Variants in ACSM3 observed in about 807,000 individuals in gnomAD.
ACSM3 encodes the protein acyl-CoA synthetase medium chain family member 3, also known as acyl-coenzyme A synthetase ACSM3, mitochondrial.
ACSM3 carries 61 observed loss-of-function variants against 74.1 expected under a neutral mutation model. The observed-to-expected ratio is 0.82, with a 90% CI of 0.67 to 1.02. The LOEUF (loss-of-function observed/expected upper bound fraction) is 1.02. Among genes scored for constraint, ACSM3 ranks in the 50% least tolerant of loss-of-function variants. The pLI, the probability that ACSM3 is intolerant of heterozygous loss-of-function variation, is 0.00. For synonymous variants in ACSM3, 213 were observed against 241.5 expected, an observed-to-expected ratio of 0.88 and a Z score of 1.09; for missense variants, 660 against 697.0, an observed-to-expected ratio of 0.95 and a Z score of 0.60.
At chr16:20,717,950 GGAAGAGGAA>G (rs1292941750) in intron 1 of ACSM3, among the ~76,000 whole-genome samples, 117 of 58,996 alleles carry the variant, frequency 2.0e-3, no homozygotes, top group African/African-American at 6.1e-3. Flanking sequence ...AAGAGGAAGA[GGAAGAGGAA>G]GAAGAAGAAG....
intron 1 of ACSM3, among the ~76,000 whole-genome samples, chr16:20,711,935 G>A (rs745872458): frequency 2.6e-5 from 4 of 151,990 alleles, no homozygotes; most frequent in African/African-American, 9.7e-5. Context: ...AACCAACCAC[G>A]TATCCCACCA....
At position 20,781,755 on chromosome 16, in the gene ACSM3, ATACCGAATGCTTGTACAG is replaced by A. The variant is rs773894016; in HGVS notation, c.988_1005del (p.Tyr330_Gln335del). 1 of 1,613,352 alleles carries A rather than the reference ATACCGAATGCTTGTACAG, an allele frequency of 6.2e-7. No individual in the cohort carries two copies. Among genetic ancestry groups the A allele is most frequent in the South Asian group, 1.1e-5 (1 of 91,066 alleles). ...CAGTCTTCTGTTCAGCACCAACTGT[ATACCGAATGCTTGTACAG>A]AATGATATAACCAGGTAAGAAATGT... On this transcript the variant is annotated inframe_deletion, in exon 7 of 14. Coordinates refer to ENST00000289416, the MANE Select transcript of ACSM3 (RefSeq NM_005622.4).
At chr16:20,706,063 G>A (rs566368937) in intron 1 of ACSM3, among the ~76,000 whole-genome samples, 1 of 148,852 alleles carries the variant, frequency 6.7e-6, no homozygotes, top group East Asian at 2.0e-4. Flanking sequence ...AAAAAGTGAA[G>A]CCTCAGTGAA....
intron 1 of ACSM3, among the ~76,000 whole-genome samples, chr16:20,731,226 T>C (rs149825473): frequency 6.6e-6 from 1 of 152,272 alleles, no homozygotes; most frequent in East Asian, 1.9e-4. Context: ...CTCTTCAAAC[T>C]CCCTTGAAAC....
In ACSM3 at chr16:20,780,974, G is replaced by C. The variant is rs750834013; in HGVS notation, c.783G>C (p.Arg261Ser). 4.5e-5 allele frequency: 73 copies of C among 1,613,906 alleles called. No homozygotes were observed. The highest frequency in any genetic ancestry group is 5.9e-5 in the Non-Finnish European group (70 of 1,180,016). ...SFGLGLSVNG[R>S]FWLDLTPSDV... ...TCAGGGCTACTCTTTGTTTTCCCAGGTTCTGGCTAGATTTGACACCCTCAG... is the reference window on the plus strand; with the variant it reads ...TCAGGGCTACTCTTTGTTTTCCCAGCTTCTGGCTAGATTTGACACCCTCAG... The change falls in exon 6 of 14, where the codon AGG becomes AGC. Residue 261 changes from arginine (R) to serine (S), a missense_variant and splice_region_variant. By Grantham distance (110) the Arg-to-Ser change is moderately radical. Coordinates refer to ENST00000289416, the MANE Select transcript of ACSM3 (RefSeq NM_005622.4).
In ACSM3 at chr16:20,777,453, A is replaced by T. The variant is rs781100087; in HGVS notation, c.511A>T (p.Ile171Phe). 1 of 1,614,142 alleles carries T rather than the reference A, an allele frequency of 6.2e-7. No homozygotes were observed. Among genetic ancestry groups the T allele is most frequent in the Non-Finnish European group, 8.5e-7 (1 of 1,179,992 alleles). Residue 171 changes from isoleucine (I) to phenylalanine (F), a missense_variant, in exon 4 of 14, where the codon ATT becomes TTT. By Grantham distance (21) the Ile-to-Phe change is conservative. Transcript: ENST00000289416. ...ACTACAATCTTCAAAAGCAAACTGC[A>T]TTATCACCAATGATGTTTTAGCCCC... ...YRLQSSKANC[I>F]ITNDVLAPAV...
chr16:20,690,108 A>T (rs2079625863), intron 1 of ACSM3, among the ~76,000 whole-genome samples: 3 of 152,248 alleles, frequency 2.0e-5, no homozygotes, highest in Admixed American at 2.0e-4. Flanking sequence ...AAGAAAAAGA[A>T]GGTGGTGGGG....
chr16:20,779,056 A>T (rs1440057755), intron 4 of ACSM3, among the ~76,000 whole-genome samples: 1 of 152,088 alleles, frequency 6.6e-6, no homozygotes, highest in African/African-American at 2.4e-5. Context: ...CGGCCTATAG[A>T]TAGTATTTTT....
chr16:20,685,819 C>CAAAAA lies in ACSM3; in HGVS notation c.-190+11005_-190+11009dup, dbSNP rs71842093. On this transcript the variant is annotated intron_variant, in intron 1 of 3. Coordinates refer to the ACSM3 transcript ENST00000561584. ...TGGATGACACAGTGAGACTCCGTCTCAAAAAAAAAAAACAAACAAAAAAAA... is the reference window on the plus strand; with the variant it reads ...TGGATGACACAGTGAGACTCCGTCTCAAAAAAAAAAAAAAAAACAAACAAAAAAAA... 7.8e-3 allele frequency among the ~76,000 whole-genome samples: 388 copies of CAAAAA among 50,064 alleles called. 67 individuals carry two copies. Among genetic ancestry groups the CAAAAA allele is most frequent in the Non-Finnish European group, 8.6e-3 (266 of 30,786 alleles). 32.8% of individuals were successfully genotyped at this position (50,064 alleles called of 152,430 possible).
At chr16:20,747,623 T>G (rs1445509799) in intron 1 of ACSM3, among the ~76,000 whole-genome samples, 1 of 152,230 alleles carries the variant, frequency 6.6e-6, no homozygotes, top group African/African-American at 2.4e-5. Context: ...GTTTTACTTC[T>G]TTGAGCACTT....
chr16:20,792,351 C>G lies in ACSM3; in HGVS notation c.1554+16C>G, dbSNP rs2080621269. The G allele has an allele frequency of 6.2e-7, 1 of 1,612,912 alleles. No homozygotes were observed. Among genetic ancestry groups the G allele is most frequent in the Non-Finnish European group, 8.5e-7 (1 of 1,179,034 alleles). On this transcript the variant is annotated intron_variant, in intron 12 of 13. Transcript: ENST00000289416. ...CAGAGGAGAGGTAAAAGAACTGATT[C>G]ATGTCAACTTTATAATTTGTTGGCA...
intron 1 of ACSM3, among the ~76,000 whole-genome samples, chr16:20,711,276 T>G (rs1003289554): frequency 1.3e-5 from 2 of 152,156 alleles, no homozygotes; most frequent in Admixed American, 1.3e-4. Context: ...AGGCCCATCG[T>G]CTGTCAGACT....
intron 3 of ACSM3, 116 bp from the exon 4 acceptor site, chr16:20,777,257 G>C (rs2080266565): frequency 1.0e-6 from 1 of 966,202 alleles, no homozygotes; most frequent in Non-Finnish European, 1.5e-6. Flanking sequence ...ATATCTTCCT[G>C]GTAAACTGAC....
At chr16:20,728,713 G>C (rs1168601858) in intron 1 of ACSM3, among the ~76,000 whole-genome samples, 1 of 152,124 alleles carries the variant, frequency 6.6e-6, no homozygotes, top group African/African-American at 2.4e-5. Flanking sequence ...GGACAGGGTA[G>C]GATGGGGGTG....
chr16:20,750,682 A>C (rs1482367733), intron 2 of ACSM3, among the ~76,000 whole-genome samples: 1 of 152,174 alleles, frequency 6.6e-6, no homozygotes, highest in Non-Finnish European at 1.5e-5. Flanking sequence ...AGCCTAGCAC[A>C]CCTTGACTAA....
intron 1 of ACSM3, among the ~76,000 whole-genome samples, chr16:20,689,121 G>A (rs906885424): frequency 2.0e-5 from 3 of 151,214 alleles, no homozygotes; most frequent in Non-Finnish European, 3.0e-5. Context: ...GGCTGGCTGG[G>A]ATAGAACTGT....
At chr16:20,731,620 G>A in intron 1 of ACSM3, 1 of 332,996 alleles carries the variant, frequency 3.0e-6, no homozygotes, top group South Asian at 9.0e-5. Context: ...TCTGTTGCAG[G>A]TGGTGAAAGC....
intron 1 of ACSM3, among the ~76,000 whole-genome samples, chr16:20,692,432 T>C (rs1460): frequency 3.3e-5 from 5 of 152,208 alleles, no homozygotes; most frequent in Non-Finnish European, 5.9e-5. Context: ...GTGAGTTTAT[T>C]TGAAGACCTG....
intron 1 of ACSM3, among the ~76,000 whole-genome samples, chr16:20,741,094 T>A (rs2079915291): frequency 6.6e-6 from 1 of 152,050 alleles, no homozygotes; most frequent in South Asian, 2.1e-4. Flanking sequence ...TGAGACCCCT[T>A]ATCTACAATT....
Sources: allele counts gnomAD v4.1 joint callset (sites outside exome capture counted in the v4.1 genomes callset), GRCh38; gene constraint gnomAD v4.1.1; transcripts MANE v1.5; gene names NCBI Gene and HGNC (gene_info 2026-07-23, HGNC 2026-07-21).